ZNF440: variants seen among roughly 807,000 people sequenced by gnomAD.
The protein encoded by ZNF440 is zinc finger protein 440.
In ZNF440, 47 loss-of-function variants were observed where a neutral mutation model predicts 49.7. The observed-to-expected ratio is 0.95, with a 90% CI of 0.75 to 1.21. ZNF440 has a LOEUF of 1.21. Among genes scored for constraint, ZNF440 ranks in the 50% most tolerant of loss-of-function variants. ZNF440 has a pLI of 0.00. For synonymous variants in ZNF440, 255 were observed against 237.7 expected (o/e 1.07, Z -0.67); for missense variants, 703 against 715.0 (o/e 0.98, Z 0.19).
chr19:11,832,445 G>A lies in ZNF440; in HGVS notation c.1269G>A (p.Pro423=), dbSNP rs566557295. 31 of 1,607,434 alleles carry A rather than the reference G, an allele frequency of 1.9e-5. No individual in the cohort carries two copies. The Admixed American group carries it at 2.2e-4, about 11-fold the overall frequency. The change falls in exon 4 of 4, where the codon CCG becomes CCA. Residue 423 remains proline, a synonymous_variant. Transcript: ENST00000304060. ...GTAGGACTCACACTGGAGAGAAACCGTATGAATGTAAGGAATGTGGGAAAG... is the reference window on the plus strand; with the variant it reads ...GTAGGACTCACACTGGAGAGAAACCATATGAATGTAAGGAATGTGGGAAAG... ...VHGRTHTGEK[P]YECKECGKAF...
chr19:11,819,046 A>G (rs1975766750), intron 1 of ZNF440, among the ~76,000 whole-genome samples: 1 of 152,056 alleles, frequency 6.6e-6, no homozygotes, highest in Non-Finnish European at 1.5e-5. Flanking sequence ...GATGGCTCAC[A>G]CCTGTAACCC....
Position 11,832,701 on chromosome 19 carries a change from A to G in ZNF440, c.1525A>G (p.Thr509Ala), listed in dbSNP as rs1433900906. 6.2e-7 allele frequency: 1 copy of G among 1,614,050 alleles called. No homozygotes were observed. The highest frequency in any genetic ancestry group is 8.5e-7 in the Non-Finnish European group (1 of 1,180,002). Residue 509 changes from threonine (T) to alanine (A), a missense_variant, in exon 4 of 4, where the codon ACA becomes GCA. Physicochemically the swap from Thr to Ala is moderately conservative, Grantham distance 58. Coordinates refer to ENST00000304060, the MANE Select transcript of ZNF440 (RefSeq NM_152357.3). ...PVPFDIMKGLTLERSPINASN... is the reference protein window; with the variant it reads ...PVPFDIMKGLALERSPINASN... ...TCCTTTTGATATCATGAAAGGACTCACACTGGAGAGAAGCCCTATAAATGC... is the reference window on the plus strand; with the variant it reads ...TCCTTTTGATATCATGAAAGGACTCGCACTGGAGAGAAGCCCTATAAATGC...
Position 11,834,160 on chromosome 19 carries a change from TCTGTCACCCAG to T in ZNF440, c.*1197_*1207del, listed in dbSNP as rs1975989815. ...TTTTTTCCCCCAGAAAGAATCTCAC[TCTGTCACCCAG>T]GCTGGAGTGCAGTGGCATGATCTCA... is the stretch of plus-strand genomic sequence containing the variant. On this transcript the variant is annotated 3_prime_UTR_variant, in exon 4 of 4. Coordinates refer to ENST00000304060, the MANE Select transcript of ZNF440 (RefSeq NM_152357.3). The T allele has an allele frequency of 3.5e-6, 1 of 287,938 alleles. No homozygotes were observed. The highest frequency in any genetic ancestry group is 1.7e-4 in the South Asian group (1 of 6,026). The allele number at this position is 287,938 out of a possible 1,614,324, so 17.8% of individuals were successfully genotyped here.
chr19:11,826,516 T>C (rs545995721), intron 1 of ZNF440, among the ~76,000 whole-genome samples: 2 of 152,294 alleles, frequency 1.3e-5, no homozygotes, highest in South Asian at 2.1e-4. Context: ...GTCTTCCAAA[T>C]TGGCTGTAGA....
intron 1 of ZNF440, among the ~76,000 whole-genome samples, chr19:11,823,011 A>C (rs1325819444): frequency 6.6e-6 from 1 of 152,078 alleles, no homozygotes; most frequent in East Asian, 1.9e-4. Flanking sequence ...CTGCTATATC[A>C]AATTACCATA....
At chr19:11,829,440 A>G (rs1975906195) in intron 1 of ZNF440, among the ~76,000 whole-genome samples, 1 of 151,436 alleles carries the variant, frequency 6.6e-6, no homozygotes, top group African/African-American at 2.4e-5. Flanking sequence ...CAATATCATC[A>G]AAGATTACAC....
At position 11,832,933 on chromosome 19, in the gene ZNF440, T is replaced by G; in HGVS notation, c.1757T>G (p.Phe586Cys). Residue 586 changes from phenylalanine (F) to cysteine (C), a missense_variant, in exon 4 of 4, where the codon TTC becomes TGC. By Grantham distance (205) the Phe-to-Cys change is radical (BLOSUM62 -2). Transcript: ENST00000304060. ...AACCCTTCGGATCTGCCCAGAACCT[T>G]CGAATTCATGAAAGGACACAAACAC... ...VGNPSDLPRT[F>C]EFMKGHKHT 1 of 1,609,060 alleles carries G rather than the reference T, an allele frequency of 6.2e-7. No homozygotes were observed. Among genetic ancestry groups the G allele is most frequent in the Non-Finnish European group, 8.5e-7 (1 of 1,178,658 alleles).
chr19:11,814,491 G>C, intron 1 of ZNF440, 41 bp downstream of exon 1: 2 of 1,483,042 alleles, frequency 1.3e-6, no homozygotes, highest in Non-Finnish European at 1.8e-6. Context: ...CTGGGAGAGG[G>C]GCTGGAATCG....
intron 1 of ZNF440, among the ~76,000 whole-genome samples, chr19:11,819,738 T>A (rs1975776344): frequency 6.6e-6 from 1 of 152,248 alleles, no homozygotes; most frequent in South Asian, 2.1e-4. Flanking sequence ...GGTAGAAGAT[T>A]TCTAGTCATG....
intron 3 of ZNF440, 62 bp from the exon 4 acceptor site, chr19:11,831,306 G>T: frequency 6.4e-7 from 1 of 1,550,740 alleles, no homozygotes; most frequent in South Asian, 1.3e-5. Flanking sequence ...TGCAATACTT[G>T]TTGATTAATA....
chr19:11,830,353 A>G lies in ZNF440; in HGVS notation c.74A>G (p.Gln25Arg). ...GAGTGGGCTTTGCTGGATATTTCCC[A>G]GAGGAAACTCTACAGGGAAGTGATG... ...QEEWALLDISQRKLYREVMLE... is the reference protein window; with the variant it reads ...QEEWALLDISRRKLYREVMLE... Residue 25 changes from glutamine (Q) to arginine (R), a missense_variant, in exon 2 of 4, where the codon CAG becomes CGG. By Grantham distance (43) the Gln-to-Arg change is conservative. Coordinates refer to ENST00000304060, the MANE Select transcript of ZNF440 (RefSeq NM_152357.3). 4 of 1,614,170 alleles carry G rather than the reference A, an allele frequency of 2.5e-6. No homozygotes were observed. The African/African-American group carries it at 4.0e-5, about 16-fold the overall frequency.
At chr19:11,825,817 C>CTTTTTTTT (rs74180041) in intron 1 of ZNF440, among the ~76,000 whole-genome samples, 1 of 131,462 alleles carries the variant, frequency 7.6e-6, no homozygotes, top group African/African-American at 2.9e-5. Flanking sequence ...CTTTTCTTTT[C>CTTTTTTTT]TTTTTTTTTT....
Position 11,832,073 on chromosome 19 carries a change from T to G in ZNF440, c.897T>G (p.Val299=). 6.2e-7 allele frequency: 1 copy of G among 1,614,162 alleles called. No individual in the cohort carries two copies. Among genetic ancestry groups the G allele is most frequent in the Non-Finnish European group, 8.5e-7 (1 of 1,180,014 alleles). Residue 299 remains valine (V), a synonymous_variant, in exon 4 of 4, where the codon GTT becomes GTG. Transcript: ENST00000304060. Reference sequence around the variant, plus strand: ...AAGCATTCACGTGTCCCCGTTATGTTCGTATACATGAAAGGACCCACTCTA... The same window carrying G: ...AAGCATTCACGTGTCCCCGTTATGTGCGTATACATGAAAGGACCCACTCTA... The part of the protein sequence containing the change: ...CGKAFTCPRY[V]RIHERTHSRK...
chr19:11,823,320 A>G (rs563713344), intron 1 of ZNF440, among the ~76,000 whole-genome samples: 1 of 152,072 alleles, frequency 6.6e-6, no homozygotes, highest in East Asian at 1.9e-4. Flanking sequence ...TTAATATGTG[A>G]TTTTTTTGGA....
chr19:11,820,633 G>A (rs1288113502), intron 1 of ZNF440, among the ~76,000 whole-genome samples: 1 of 152,102 alleles, frequency 6.6e-6, no homozygotes, highest in Non-Finnish European at 1.5e-5. Context: ...CAGTGCCTAG[G>A]GGAGTGGAGC....
chr19:11,833,174 A>G lies in ZNF440; in HGVS notation c.*210A>G. The G allele has an allele frequency of 7.8e-7, 1 of 1,275,956 alleles. No individual in the cohort carries two copies. The allele number at this position is 1,275,956 out of a possible 1,614,324, so 79.0% of individuals were successfully genotyped here. The stretch of plus-strand genomic sequence containing the variant: ...CCCCTATGAGTGTAAGCAATTTGGG[A>G]AAGCCTTCAGATCTGTCAAAAATCT... On this transcript the variant is annotated 3_prime_UTR_variant, in exon 4 of 4. Coordinates refer to ENST00000304060, the MANE Select transcript of ZNF440 (RefSeq NM_152357.3).
At chr19:11,815,301 C>T (rs1599286939) in intron 1 of ZNF440, among the ~76,000 whole-genome samples, 1 of 150,906 alleles carries the variant, frequency 6.6e-6, no homozygotes, top group Non-Finnish European at 1.5e-5. Flanking sequence ...CACACACACA[C>T]ACACACACAC....
At chr19:11,830,456 T>C (rs373051932) in intron 2 of ZNF440, 47 bp downstream of exon 2, 34 of 1,610,466 alleles carry the variant, frequency 2.1e-5, no homozygotes, top group Non-Finnish European at 2.7e-5. Context: ...TGAACCAGTG[T>C]TTCTAGCTCA....
chr19:11,834,742 T>C lies in ZNF440; in HGVS notation c.*1778T>C, dbSNP rs1717657377. On this transcript the variant is annotated 3_prime_UTR_variant, in exon 4 of 4. Transcript: ENST00000304060. ...GGTCACTGAGGAGCATCGTCTCATA[T>C]GCCTGGTATGTGACACGTGTCTCTC... is the stretch of plus-strand genomic sequence containing the variant. 6.6e-6 allele frequency: 1 copy of C among 152,266 alleles called. No individual in the cohort carries two copies. The highest frequency in any genetic ancestry group is 1.5e-5 in the Non-Finnish European group (1 of 68,048). 9.4% of individuals were successfully genotyped at this position (152,266 alleles called of 1,614,324 possible).
Sources: gnomAD v4.1 joint callset for allele counts (sites outside exome capture counted in the v4.1 genomes callset) on GRCh38, gnomAD v4.1.1 for gene constraint, MANE v1.5 for transcripts, NCBI Gene and HGNC (gene_info 2026-07-23, HGNC 2026-07-21) for gene names.